Variants in HMGA2 observed in about 807,000 individuals in gnomAD.
HMGA2 encodes the protein high mobility group AT-hook 2.
In HMGA2, 8 loss-of-function variants were observed where a neutral mutation model predicts 19.1. That is an observed-to-expected ratio of 0.42 (90% confidence interval 0.25 to 0.76). The LOEUF is 0.76. HMGA2 is among the 30% of genes least tolerant of loss of function. The pLI is 0.28. For missense variants in HMGA2, 109 were observed against 136.3 expected (o/e 0.80, Z 1.00); for synonymous variants, 60 against 48.8 (o/e 1.23, Z -0.96).
At chr12:65,926,140 T>C (rs1192106734) in intron 3 of HMGA2, among the ~76,000 whole-genome samples, 1 of 152,216 alleles carries the variant, frequency 6.6e-6, no homozygotes, top group East Asian at 1.9e-4. Flanking sequence ...AAATCTTCAC[T>C]AAATCCCTGT....
rs140257388 is a variant in HMGA2, at chr12:65,904,998, C to T, written c.250-46385C>T. ...CAGAGGTTGCAGTGAGTCAAGATCGCGCCACTGCACTCCAGCCTGGACAAC... is the reference window on the plus strand; with the variant it reads ...CAGAGGTTGCAGTGAGTCAAGATCGTGCCACTGCACTCCAGCCTGGACAAC... On this transcript the variant is annotated intron_variant, in intron 3 of 4. Transcript: ENST00000403681. Among the ~76,000 whole-genome samples the T allele has an allele frequency of 8.4e-3, 1,271 of 151,702 alleles. 7 individuals are homozygous for T. Among genetic ancestry groups the T allele is most frequent in the African/African-American group, 0.021 (853 of 41,326 alleles).
At chr12:65,881,361 A>G (rs1873374768) in intron 3 of HMGA2, 1 of 229,472 alleles carries the variant, frequency 4.4e-6, no homozygotes, top group South Asian at 9.5e-5. Flanking sequence ...ATGAAACATA[A>G]TCAGATTTTT....
intron 3 of HMGA2, among the ~76,000 whole-genome samples, chr12:65,890,785 C>T (rs1014240569): frequency 6.6e-6 from 1 of 150,546 alleles, no homozygotes; most frequent in Non-Finnish European, 1.5e-5. Context: ...AGTGCAGGGG[C>T]GCGATCTTGG....
intron 3 of HMGA2, chr12:65,942,800 T>C (rs1393784729): frequency 1.3e-5 from 2 of 152,206 alleles, no homozygotes; most frequent in African/African-American, 4.8e-5. Flanking sequence ...CCACATCTTT[T>C]GCTTTCTAAT....
intron 3 of HMGA2, among the ~76,000 whole-genome samples, chr12:65,874,527 A>G (rs1053208232): frequency 6.6e-6 from 1 of 152,136 alleles, no homozygotes; most frequent in African/African-American, 2.4e-5. Context: ...AATTGTTTAG[A>G]ATCTTTTCAG....
intron 3 of HMGA2, among the ~76,000 whole-genome samples, chr12:65,911,267 T>C (rs935101622): frequency 4.6e-5 from 7 of 152,142 alleles, no homozygotes; most frequent in African/African-American, 1.7e-4. Flanking sequence ...CTGGTCTTTG[T>C]TGTTAGAAAA....
At chr12:65,922,731 C>T (rs759449270) in intron 3 of HMGA2, among the ~76,000 whole-genome samples, 4 of 152,074 alleles carry the variant, frequency 2.6e-5, no homozygotes, top group Non-Finnish European at 4.4e-5. Context: ...TTGGCTGTGT[C>T]CCCACCCAAT....
At chr12:65,867,003 A>G (rs75103494) in intron 3 of HMGA2, 1 of 455,402 alleles carries the variant, frequency 2.2e-6, no homozygotes, top group South Asian at 1.6e-5. Context: ...ATCAGTTCTG[A>G]TTTTCTAGTT....
chr12:65,944,935 G>T (rs886825782), intron 3 of HMGA2, among the ~76,000 whole-genome samples: 1 of 151,518 alleles, frequency 6.6e-6, no homozygotes, highest in Non-Finnish European at 1.5e-5. Flanking sequence ...TCACAGGTGC[G>T]ATCATAGCAC....
At chr12:65,907,580 A>G (rs1301501090) in intron 3 of HMGA2, among the ~76,000 whole-genome samples, 1 of 152,102 alleles carries the variant, frequency 6.6e-6, no homozygotes, top group Non-Finnish European at 1.5e-5. Flanking sequence ...GGAGGGACCT[A>G]GGAGGCCTAT....
chr12:65,842,987 G>A, intron 3 of HMGA2: 1 of 630,864 alleles, frequency 1.6e-6, no homozygotes, highest in Admixed American at 5.2e-5. Flanking sequence ...AAAGAAGCAA[G>A]AACCAAATAA....
chr12:65,843,385 T>C (rs750462602), intron 3 of HMGA2: 5 of 204,804 alleles, frequency 2.4e-5, no homozygotes, highest in Non-Finnish European at 5.0e-5. Flanking sequence ...GATGTAATTT[T>C]ATATATTAGT....
At chr12:65,885,029 A>C (rs1873595511) in intron 3 of HMGA2, among the ~76,000 whole-genome samples, 1 of 152,190 alleles carries the variant, frequency 6.6e-6, no homozygotes, top group South Asian at 2.1e-4. Flanking sequence ...TCATGTATAC[A>C]AATTAAATTT....
chr12:65,883,453 C>G (rs1350905615), intron 3 of HMGA2, among the ~76,000 whole-genome samples: 1 of 152,192 alleles, frequency 6.6e-6, no homozygotes, highest in African/African-American at 2.4e-5. Flanking sequence ...TCCACAACAA[C>G]CTTATGAAAT....
At chr12:65,888,116 G>A (rs1043534670) in intron 3 of HMGA2, among the ~76,000 whole-genome samples, 3 of 152,024 alleles carry the variant, frequency 2.0e-5, no homozygotes, top group African/African-American at 7.2e-5. Flanking sequence ...GGGAACATAG[G>A]ATATAGTTTA....
At chr12:65,833,609 C>G (rs7979799) in intron 2 of HMGA2, among the ~76,000 whole-genome samples, 21,139 of 152,090 alleles carry the variant, frequency 0.14, 2,775 homozygotes, top group African/African-American at 0.33. Flanking sequence ...TTATAGGAAA[C>G]TTGGAAATAC....
At position 65,908,980 on chromosome 12, in the gene HMGA2, T is replaced by C. The variant is rs1275664009; in HGVS notation, c.250-42403T>C. Among the ~76,000 whole-genome samples the C allele has an allele frequency of 3.3e-5, 5 of 152,224 alleles. No individual in the cohort carries two copies. The East Asian group carries it at 9.6e-4, about 29-fold the overall frequency. ...AACACATCCGCTGGCAGAAGATTTG[T>C]TTTGCTTTCTTTTCTAGGAAATTGT... On this transcript the variant is annotated intron_variant, in intron 3 of 4. Transcript: ENST00000403681.
At chr12:65,889,071 A>T (rs1873795179) in intron 3 of HMGA2, among the ~76,000 whole-genome samples, 1 of 152,078 alleles carries the variant, frequency 6.6e-6, no homozygotes. Flanking sequence ...CCCTACTCTT[A>T]CCCACAAAAA....
At chr12:65,937,283 T>G (rs1358893815) in intron 3 of HMGA2, among the ~76,000 whole-genome samples, 1 of 152,174 alleles carries the variant, frequency 6.6e-6, no homozygotes, top group Non-Finnish European at 1.5e-5. Context: ...GCATCTCATT[T>G]CAATAGACAA....
Sources: gnomAD v4.1 joint callset for allele counts (sites outside exome capture counted in the v4.1 genomes callset) on GRCh38, gnomAD v4.1.1 for gene constraint, MANE v1.5 for transcripts, NCBI Gene and HGNC (gene_info 2026-07-23, HGNC 2026-07-21) for gene names.